The following NT5C2 variants were observed in gnomAD, a reference collection of about 807,000 sequenced individuals.
NT5C2 encodes cytosolic purine 5'-nucleotidase.
In NT5C2, 58 loss-of-function variants were observed where a neutral mutation model predicts 76.1. That is an observed-to-expected ratio of 0.76 (90% CI 0.62 to 0.95). NT5C2 has a LOEUF of 0.95. Among genes scored for constraint, NT5C2 ranks in the 40% least tolerant of loss-of-function variants. The pLI, the probability that NT5C2 is intolerant of heterozygous loss-of-function variation, is 0.00. For synonymous variants in NT5C2, 229 were observed against 237.4 expected, an observed-to-expected ratio of 0.96 and a Z score of 0.32; for missense variants, 478 against 690.3, an observed-to-expected ratio of 0.69 and a Z score of 3.45.
chr10:103,121,104 G>C (rs972305379), intron 4 of NT5C2, among the ~76,000 whole-genome samples: 1 of 152,104 alleles, frequency 6.6e-6, no homozygotes, highest in African/African-American at 2.4e-5. Flanking sequence ...ATAAATTAGA[G>C]GTTACTAGCA....
chr10:103,122,072 A>G (rs2075774090), intron 4 of NT5C2, among the ~76,000 whole-genome samples: 4 of 152,078 alleles, frequency 2.6e-5, no homozygotes, highest in Admixed American at 2.6e-4. Flanking sequence ...TACTTGGGAG[A>G]CTGAGGCGCC....
chr10:103,156,037 G>A (rs2083299472), intron 3 of NT5C2, among the ~76,000 whole-genome samples: 3 of 152,014 alleles, frequency 2.0e-5, no homozygotes, highest in African/African-American at 4.8e-5. Context: ...ATGGTGGCAT[G>A]CACCTGTAGT....
At chr10:103,172,607 G>A (rs370645459) in intron 3 of NT5C2, among the ~76,000 whole-genome samples, 28 of 152,132 alleles carry the variant, frequency 1.8e-4, no homozygotes, top group Middle Eastern at 3.4e-3. Context: ...AGGCTGAGGC[G>A]GGTGGATCAC....
At chr10:103,152,896 T>C (rs967912785) in intron 3 of NT5C2, among the ~76,000 whole-genome samples, 12 of 152,232 alleles carry the variant, frequency 7.9e-5, no homozygotes, top group African/African-American at 2.2e-4. Flanking sequence ...TCACTAAATA[T>C]TTCACACCAT....
At chr10:103,096,305 T>TCA (rs1183128714) in intron 11 of NT5C2, among the ~76,000 whole-genome samples, 1 of 152,104 alleles carries the variant, frequency 6.6e-6, no homozygotes, top group African/African-American at 2.4e-5. Context: ...AAATAACCTA[T>TCA]CACCTTGGCT....
intron 4 of NT5C2, among the ~76,000 whole-genome samples, chr10:103,129,372 C>T (rs2077478662): frequency 8.5e-6 from 1 of 117,282 alleles, no homozygotes; most frequent in Non-Finnish European, 1.8e-5. Flanking sequence ...TCCGCCCGGC[C>T]AGCCGCCCCG....
In NT5C2 at chr10:103,183,286, T is replaced by TG. The variant is rs2091488622; in HGVS notation, c.-168-1959_-168-1958insC. Among the ~76,000 whole-genome samples the TG allele has an allele frequency of 2.3e-5, 3 of 132,704 alleles. No individual in the cohort carries two copies. The South Asian group carries it at 7.3e-4, about 32-fold the overall frequency. The allele number at this position is 132,704 out of a possible 152,430, so 87.1% of individuals were successfully genotyped here. On this transcript the variant is annotated intron_variant, in intron 1 of 18. Coordinates refer to ENST00000404739, the MANE Select transcript of NT5C2 (RefSeq NM_001351169.2). ...TGATATATATATATATATATATATA[T>TG]ATATATATCACACACTCCTTCCCTC...
intron 3 of NT5C2, among the ~76,000 whole-genome samples, chr10:103,141,529 G>C (rs2080428589): frequency 6.6e-6 from 1 of 152,116 alleles, no homozygotes; most frequent in African/African-American, 2.4e-5. Context: ...AATGAAATCA[G>C]ATATTATACA....
chr10:103,097,715 T>TTTA (rs1391286689), intron 10 of NT5C2, among the ~76,000 whole-genome samples: 1 of 152,214 alleles, frequency 6.6e-6, no homozygotes, highest in Non-Finnish European at 1.5e-5. Context: ...ATGTGAGGTG[T>TTTA]GTTAAAGGTC....
intron 1 of NT5C2, among the ~76,000 whole-genome samples, chr10:103,190,266 G>C (rs562513802): frequency 1.3e-5 from 2 of 152,152 alleles, no homozygotes; most frequent in Admixed American, 6.6e-5. Context: ...TAATTGCAAA[G>C]AATCCATGTA....
chr10:103,094,616 G>C (rs2067709709), intron 12 of NT5C2, 161 bp from the exon 13 acceptor site: 1 of 590,432 alleles, frequency 1.7e-6, no homozygotes, highest in Admixed American at 2.8e-5. Context: ...AGGCACAGTG[G>C]CTCACACCTG....
At chr10:103,092,206 A>G (rs2067107853) in intron 15 of NT5C2, among the ~76,000 whole-genome samples, 1 of 152,216 alleles carries the variant, frequency 6.6e-6, no homozygotes, top group Non-Finnish European at 1.5e-5. Flanking sequence ...CATCTACTGT[A>G]TGTAACACAT....
At chr10:103,131,969 G>A (rs1004315296) in intron 4 of NT5C2, among the ~76,000 whole-genome samples, 4 of 151,436 alleles carry the variant, frequency 2.6e-5, no homozygotes, top group African/African-American at 9.7e-5. Flanking sequence ...GGCCAGGCAT[G>A]GTGGCTCATG....
chr10:103,100,962 G>T, intron 8 of NT5C2, 83 bp downstream of exon 8: 1 of 824,894 alleles, frequency 1.2e-6, no homozygotes, highest in South Asian at 1.4e-5. Context: ...AAGCAGAAAA[G>T]ACCTACAATG....
intron 15 of NT5C2, among the ~76,000 whole-genome samples, chr10:103,092,751 C>T (rs1177746651): frequency 3.3e-5 from 5 of 152,138 alleles, no homozygotes; most frequent in Non-Finnish European, 1.5e-5. Context: ...CATTCAGAGC[C>T]ATCACTGCCC....
chr10:103,089,780 C>G lies in NT5C2; in HGVS notation c.1578G>C (p.Arg526=), dbSNP rs780915906. The change falls in exon 19 of 19, where the codon CGG becomes CGC. Residue 526 remains arginine, a synonymous_variant. Transcript: ENST00000404739. ...DTDYKRHQLT[R]SISEIKPPNL... Reference sequence around the variant, plus strand: ...TGGGAGGTTTAATCTCACTAATTGACCGTGTCAGCTGGTGCCGCTTGTAGT... The same window carrying G: ...TGGGAGGTTTAATCTCACTAATTGAGCGTGTCAGCTGGTGCCGCTTGTAGT... The G allele has an allele frequency of 1.9e-6, 3 of 1,613,898 alleles. No individual in the cohort carries two copies. In the South Asian group the frequency reaches 3.3e-5, roughly 18 times the overall value.
At chr10:103,146,452 C>A (rs923233073) in intron 3 of NT5C2, 37 of 985,108 alleles carry the variant, frequency 3.8e-5, no homozygotes, top group Non-Finnish European at 4.2e-5. Flanking sequence ...CATAATTACA[C>A]ATTGAAAATT....
intron 4 of NT5C2, among the ~76,000 whole-genome samples, chr10:103,131,898 G>A (rs1321756947): frequency 2.0e-5 from 3 of 151,870 alleles, no homozygotes; most frequent in East Asian, 1.9e-4. Flanking sequence ...CTCCAGCCTG[G>A]GCAACAGAGT....
At chr10:103,114,116 A>G (rs904677649) in intron 4 of NT5C2, among the ~76,000 whole-genome samples, 5 of 152,206 alleles carry the variant, frequency 3.3e-5, no homozygotes, top group Admixed American at 6.5e-5. Context: ...TCTCAACTGT[A>G]TAACACTGAC....
Sources: gnomAD v4.1 joint callset for allele counts (sites outside exome capture counted in the v4.1 genomes callset) on GRCh38, gnomAD v4.1.1 for gene constraint, MANE v1.5 for transcripts, NCBI Gene and HGNC (gene_info 2026-07-23, HGNC 2026-07-21) for gene names.